Variants in NOL4L observed in about 807,000 individuals in gnomAD.
NOL4L encodes the protein nucleolar protein 4 like.
Under a neutral mutation model 64.5 loss-of-function variants are expected in NOL4L, and 7 were observed. The observed-to-expected ratio is 0.11, with a 90% confidence interval of 0.06 to 0.20. The LOEUF (loss-of-function observed/expected upper bound fraction) is 0.20. Among genes scored for constraint, NOL4L ranks in the 10% least tolerant of loss-of-function variants. The pLI, the probability that NOL4L is intolerant of heterozygous loss-of-function variation, is 1.00. For missense variants in NOL4L, 680 were observed against 967.1 expected (o/e 0.70, Z 3.94); for synonymous variants, 413 against 401.0 (o/e 1.03, Z -0.36).
intron 1 of NOL4L, among the ~76,000 whole-genome samples, chr20:32,541,739 G>T (rs902534077): frequency 6.6e-6 from 1 of 152,242 alleles, no homozygotes; most frequent in Admixed American, 6.5e-5. Context: ...CTGAGCTGGC[G>T]GGGTAAATGG....
chr20:32,488,821 CT>C (rs1348835502), intron 4 of NOL4L, among the ~76,000 whole-genome samples: 2 of 31,128 alleles, frequency 6.4e-5, no homozygotes, highest in Non-Finnish European at 5.6e-5. Context: ...TTCTTTCTTT[CT>C]TTCTTTTTCT....
At chr20:32,461,411 C>T (rs1365233518) in intron 5 of NOL4L, among the ~76,000 whole-genome samples, 2 of 106,590 alleles carry the variant, frequency 1.9e-5, no homozygotes, top group South Asian at 5.8e-4. Flanking sequence ...GACCCCTCTA[C>T]CTTTCTTTTC....
rs1362987244 is a variant in NOL4L at position 32,460,414 on chromosome 20, C to G, written c.842-4019G>C. The stretch of plus-strand genomic sequence containing the variant: ...CCGGCATGCCAGCCCCCACCCCACA[C>G]AGCTGCCCCCGCGCCACATGCTCTG... On this transcript the variant is annotated intron_variant, in intron 5 of 10. Transcript: ENST00000621426. The surrounding 1 kb of genome is among the most constrained non-coding windows in gnomAD (Gnocchi z 5.7). Among the ~76,000 whole-genome samples the G allele has an allele frequency of 6.6e-6, 1 of 152,224 alleles. No homozygotes were observed. The highest frequency in any genetic ancestry group is 1.9e-4 in the East Asian group (1 of 5,196).
At chr20:32,477,468 G>C (rs2015465498) in intron 4 of NOL4L, among the ~76,000 whole-genome samples, 1 of 152,198 alleles carries the variant, frequency 6.6e-6, no homozygotes, top group Non-Finnish European at 1.5e-5. Context: ...ACTGTCTTGT[G>C]GGTCTCTGCC....
intron 4 of NOL4L, among the ~76,000 whole-genome samples, chr20:32,493,633 C>T (rs1309810698): frequency 2.0e-5 from 3 of 152,208 alleles, no homozygotes; most frequent in Admixed American, 6.5e-5. Flanking sequence ...TGGTGCTGGG[C>T]ACAGAGCACC....
chr20:32,526,502 T>TA (rs1173126909), intron 2 of NOL4L, among the ~76,000 whole-genome samples: 11,045 of 127,066 alleles, frequency 0.087, 1,080 homozygotes, highest in African/African-American at 0.25. Context: ...ATGGTTGCAT[T>TA]AAAAAAAAAA....
At chr20:32,481,779 C>T (rs1190951393) in intron 4 of NOL4L, among the ~76,000 whole-genome samples, 1 of 152,192 alleles carries the variant, frequency 6.6e-6, no homozygotes, top group Non-Finnish European at 1.5e-5. Flanking sequence ...GCTAAACTAC[C>T]ACAGGGCCTG....
At chr20:32,481,475 CCA>C (rs2145494741) in intron 4 of NOL4L, among the ~76,000 whole-genome samples, 1 of 152,304 alleles carries the variant, frequency 6.6e-6, no homozygotes, top group South Asian at 2.1e-4. Flanking sequence ...CGGTCCAGCT[CCA>C]CAGAGCCCCA....
rs2016094529 is a variant in NOL4L, at chr20:32,486,584, G to A, written c.700-11842C>T. On this transcript the variant is annotated intron_variant, in intron 4 of 10. Coordinates refer to ENST00000621426, the MANE Select transcript of NOL4L (RefSeq NM_001256798.2). The stretch of plus-strand genomic sequence containing the variant: ...TGGGACTCTGGTTTGCCATTATTAG[G>A]ACAAATAGGATCTTAGCGTGACCAG... 3 of 381,142 alleles carry A rather than the reference G, an allele frequency of 7.9e-6. No individual in the cohort carries two copies. In the Admixed American group the frequency reaches 1.0e-4, roughly 13 times the overall value. 23.6% of individuals were successfully genotyped at this position (381,142 alleles called of 1,614,324 possible). A position where few individuals can be genotyped will look rare whatever the true frequency, so the allele number is the denominator to read the frequency against.
chr20:32,498,137 G>A (rs2145531400), intron 4 of NOL4L, among the ~76,000 whole-genome samples: 1 of 152,318 alleles, frequency 6.6e-6, no homozygotes, highest in African/African-American at 2.4e-5. Flanking sequence ...CGGGGTATCT[G>A]CCAACCCCAC....
intron 1 of NOL4L, among the ~76,000 whole-genome samples, chr20:32,568,503 A>G (rs1029204443): frequency 1.3e-5 from 2 of 151,122 alleles, no homozygotes; most frequent in African/African-American, 2.4e-5. Context: ...CTCTGCACAC[A>G]CTGGACCAGA....
At chr20:32,452,754 T>C in intron 9 of NOL4L, 130 bp downstream of exon 9, 2 of 1,414,616 alleles carry the variant, frequency 1.4e-6, no homozygotes, top group Non-Finnish European at 1.9e-6. Flanking sequence ...TCCTTGTCTT[T>C]GCCCTCCTGT....
intron 5 of NOL4L, among the ~76,000 whole-genome samples, chr20:32,458,716 TC>T (rs1450144132): frequency 1.3e-5 from 2 of 152,210 alleles, no homozygotes; most frequent in Non-Finnish European, 2.9e-5. Context: ...GAGGGGCTGC[TC>T]CTCAGTGGGC....
At position 32,453,227 on chromosome 20, in the gene NOL4L, C is replaced by T; in HGVS notation, c.1497+77G>A. 6.5e-7 allele frequency: 1 copy of T among 1,540,196 alleles called. No individual in the cohort carries two copies. The highest frequency in any genetic ancestry group is 8.8e-7 in the Non-Finnish European group (1 of 1,134,238). On this transcript the variant is annotated intron_variant, in intron 8 of 10. Coordinates refer to ENST00000621426, the MANE Select transcript of NOL4L (RefSeq NM_001256798.2). The surrounding 1 kb of genome is among the most constrained non-coding windows in gnomAD (Gnocchi z 5.6). ...CCTGGGAAGACCCTGGGTGAAGGGG[C>T]CCGGGCATCCTGGGAGTGTGGCAGG... is the stretch of plus-strand genomic sequence containing the variant.
In NOL4L at chr20:32,578,278, T is replaced by G. The variant is rs1375609027; in HGVS notation, c.321+6292A>C. Reference sequence around the variant, plus strand: ...CCAGGCCCTTTACCTGTTCTCTACATCAAAGTGGACTCAAGAGTTCTTGTT... The same window carrying G: ...CCAGGCCCTTTACCTGTTCTCTACAGCAAAGTGGACTCAAGAGTTCTTGTT... On this transcript the variant is annotated intron_variant, in intron 1 of 10. Transcript: ENST00000621426. Among the ~76,000 whole-genome samples, 6 of 152,210 alleles carry G rather than the reference T, an allele frequency of 3.9e-5. 1 individual carries two copies. The South Asian group carries it at 1.2e-3, about 32-fold the overall frequency.
chr20:32,543,386 C>T (rs2018685885), intron 1 of NOL4L, among the ~76,000 whole-genome samples: 1 of 152,084 alleles, frequency 6.6e-6, no homozygotes, highest in Non-Finnish European at 1.5e-5. Context: ...TTGGGAGGCC[C>T]AGGTGGGTGG....
intron 1 of NOL4L, among the ~76,000 whole-genome samples, chr20:32,568,310 GATAAATGAGTGAATGA>G (rs1979558347): frequency 6.6e-6 from 1 of 152,174 alleles, no homozygotes; most frequent in South Asian, 2.1e-4. Context: ...TTGCTAAATG[GATAAATGAGTGAATGA>G]ATGATGAACA....
At chr20:32,457,601 G>A (rs2013671745) in intron 5 of NOL4L, among the ~76,000 whole-genome samples, 1 of 152,198 alleles carries the variant, frequency 6.6e-6, no homozygotes, top group Non-Finnish European at 1.5e-5. Context: ...GGCTGCCCGG[G>A]GGCGGGTCCA....
At position 32,536,964 on chromosome 20, in the gene NOL4L, C is replaced by A. The variant is rs905031093; in HGVS notation, c.322-9051G>T. ...CCTGGAGACCGCGCCCGCGCGGGCC[C>A]CGCCCACCCCACGCGCACCTGCTGC... On this transcript the variant is annotated intron_variant, in intron 1 of 10. Coordinates refer to ENST00000621426, the MANE Select transcript of NOL4L (RefSeq NM_001256798.2). The A allele has an allele frequency of 2.7e-5, 19 of 699,360 alleles. No homozygotes were observed. In the Admixed American group the frequency reaches 1.2e-3, roughly 44 times the overall value. The allele number at this position is 699,360 out of a possible 1,614,324, so 43.3% of individuals were successfully genotyped here.
Sources: gnomAD v4.1 joint callset for allele counts (sites outside exome capture counted in the v4.1 genomes callset) on GRCh38, gnomAD v4.1.1 for gene constraint, Gnocchi (gnomAD v3.1) non-coding constraint, MANE v1.5 for transcripts, NCBI Gene and HGNC (gene_info 2026-07-23, HGNC 2026-07-21) for gene names.